BLOC1S5: variants seen among roughly 807,000 people sequenced by gnomAD.
BLOC1S5 encodes the protein biogenesis of lysosome-related organelles complex 1 subunit 5.
In BLOC1S5, 27 loss-of-function variants were observed where a neutral mutation model predicts 24.3. The ratio of observed to expected loss-of-function variants is 1.11; its 90% CI spans 0.82 to 1.53. The LOEUF (loss-of-function observed/expected upper bound fraction) is 1.53. Ranked by LOEUF, BLOC1S5 falls within the 40% of genes most tolerant of loss-of-function variation. The pLI is 0.00. For synonymous variants in BLOC1S5, 84 were observed against 74.5 expected (o/e 1.13, Z -0.66); for missense variants, 239 against 229.4 (o/e 1.04, Z -0.27).
intron 2 of BLOC1S5, among the ~76,000 whole-genome samples, chr6:8,052,931 A>T (rs1764173703): frequency 6.6e-6 from 1 of 151,820 alleles, no homozygotes; most frequent in Non-Finnish European, 1.5e-5. Flanking sequence ...TGAAGATGTG[A>T]CTGAATTGCT....
intron 2 of BLOC1S5, among the ~76,000 whole-genome samples, chr6:8,051,854 G>GA (rs548463313): frequency 2.6e-5 from 4 of 151,068 alleles, no homozygotes; most frequent in Non-Finnish European, 5.9e-5. Context: ...CTACTGCTCA[G>GA]AAAAAAAGAC....
At chr6:8,024,323 C>T (rs1259427762) in intron 4 of BLOC1S5, among the ~76,000 whole-genome samples, 1 of 151,694 alleles carries the variant, frequency 6.6e-6, no homozygotes, top group African/African-American at 2.4e-5. Context: ...GTCAGGAGTT[C>T]GAGACCAGCC....
intron 1 of BLOC1S5, among the ~76,000 whole-genome samples, chr6:8,063,594 AT>A (rs1757336506): frequency 6.6e-6 from 1 of 152,324 alleles, no homozygotes; most frequent in South Asian, 2.1e-4. Flanking sequence ...AGTAGAAAAA[AT>A]AATACAAGCA....
At chr6:8,030,306 T>C (rs1763253627) in intron 3 of BLOC1S5, among the ~76,000 whole-genome samples, 1 of 151,800 alleles carries the variant, frequency 6.6e-6, no homozygotes, top group Non-Finnish European at 1.5e-5. Context: ...ACTACAGGCA[T>C]GCACCACCAC....
Position 8,062,665 on chromosome 6 carries a change from A to G in BLOC1S5, c.113-49T>C, listed in dbSNP as rs1340252715. 4 of 1,272,244 alleles carry G rather than the reference A, an allele frequency of 3.1e-6. No individual in the cohort carries two copies. In the East Asian group the frequency reaches 7.1e-5, roughly 23 times the overall value. The allele number at this position is 1,272,244 out of a possible 1,614,324, so 78.8% of individuals were successfully genotyped here. On this transcript the variant is annotated intron_variant, in intron 1 of 4. Transcript: ENST00000397457. The stretch of plus-strand genomic sequence containing the variant: ...GGGTTAATCCATGCTAAATGGCATA[A>G]TCTCTAGCTTGTTTTACTCTCTCCC...
intron 2 of BLOC1S5, among the ~76,000 whole-genome samples, chr6:8,043,238 A>T (rs986284437): frequency 1.3e-5 from 2 of 152,210 alleles, no homozygotes; most frequent in Non-Finnish European, 1.5e-5. Flanking sequence ...TTGCTTTCAA[A>T]GAATAGAACA....
At chr6:8,016,465 A>G (rs1762738079) in intron 4 of BLOC1S5, among the ~76,000 whole-genome samples, 1 of 152,248 alleles carries the variant, frequency 6.6e-6, no homozygotes, top group Admixed American at 6.5e-5. Context: ...TTAAAAAAAT[A>G]TATGCTAAAA....
At chr6:8,015,900 T>C in intron 4 of BLOC1S5, 72 bp from the exon 5 acceptor site, 1 of 1,356,826 alleles carries the variant, frequency 7.4e-7, no homozygotes, top group East Asian at 2.4e-5. Flanking sequence ...CTCTTGATAC[T>C]TGGTTACCGT....
intron 4 of BLOC1S5, among the ~76,000 whole-genome samples, chr6:8,024,700 G>A (rs1051106066): frequency 2.6e-5 from 4 of 152,020 alleles, no homozygotes; most frequent in African/African-American, 4.8e-5. Context: ...TTACCCACAC[G>A]GTGACCGCTC....
intron 2 of BLOC1S5, among the ~76,000 whole-genome samples, chr6:8,061,316 T>C (rs553176165): frequency 6.6e-6 from 1 of 152,322 alleles, no homozygotes; most frequent in African/African-American, 2.4e-5. Flanking sequence ...ATGATGACGA[T>C]GTGGTATAAT....
At chr6:8,058,829 A>C (rs1764418998) in intron 2 of BLOC1S5, among the ~76,000 whole-genome samples, 1 of 152,224 alleles carries the variant, frequency 6.6e-6, no homozygotes, top group Non-Finnish European at 1.5e-5. Context: ...AACTCTGCAT[A>C]TTGTGATAGA....
Position 8,015,781 on chromosome 6 carries a change from C to T in BLOC1S5, c.432G>A (p.Gln144=). Residue 144 remains glutamine, a synonymous_variant, in exon 5 of 5, where the codon CAG becomes CAA. Transcript: ENST00000397457. ...GTTGCTCCTTCATGAAGTTGTCCCA[C>T]TGGAGCATATGCTGTTTCTCACTAG... is the stretch of plus-strand genomic sequence containing the variant. ...LVASEKQHML[Q]WDNFMKEQPN... is the part of the protein sequence containing the mutation. 3.7e-6 allele frequency: 6 copies of T among 1,614,144 alleles called. No homozygotes were observed. Among genetic ancestry groups the T allele is most frequent in the Non-Finnish European group, 5.1e-6 (6 of 1,180,020 alleles).
chr6:8,020,860 A>T (rs1762892984), intron 4 of BLOC1S5, among the ~76,000 whole-genome samples: 1 of 152,250 alleles, frequency 6.6e-6, no homozygotes, highest in Non-Finnish European at 1.5e-5. Flanking sequence ...CTTGGCTTTT[A>T]CATAGAATTA....
intron 2 of BLOC1S5, 117 bp downstream of exon 2, chr6:8,062,417 T>A (rs967671958): frequency 1.5e-6 from 1 of 655,932 alleles, no homozygotes; most frequent in Non-Finnish European, 2.5e-6. Context: ...TTTTACTTTG[T>A]ATATTTTATG....
intron 3 of BLOC1S5, among the ~76,000 whole-genome samples, chr6:8,031,324 T>A (rs1365419046): frequency 2.6e-5 from 4 of 152,140 alleles, no homozygotes; most frequent in African/African-American, 9.7e-5. Context: ...AGCACTGCTA[T>A]ACACCAATAG....
chr6:8,019,943 A>G (rs1762865986), intron 4 of BLOC1S5, among the ~76,000 whole-genome samples: 1 of 152,184 alleles, frequency 6.6e-6, no homozygotes. Flanking sequence ...GCCTTATAGC[A>G]AAAGAGGAGG....
chr6:8,048,002 T>C (rs1412395544), intron 2 of BLOC1S5, among the ~76,000 whole-genome samples: 1 of 152,266 alleles, frequency 6.6e-6, no homozygotes, highest in Non-Finnish European at 1.5e-5. Context: ...GTTGGCTCCC[T>C]AGTATCCACT....
At chr6:8,047,077 C>T (rs779217333) in intron 2 of BLOC1S5, among the ~76,000 whole-genome samples, 5 of 151,540 alleles carry the variant, frequency 3.3e-5, no homozygotes, top group Non-Finnish European at 7.4e-5. Flanking sequence ...AGCCACCATG[C>T]TTGATCTCAA....
intron 2 of BLOC1S5, among the ~76,000 whole-genome samples, chr6:8,050,307 T>C (rs1486430782): frequency 6.6e-6 from 1 of 152,180 alleles, no homozygotes. Flanking sequence ...CATAAGACCA[T>C]GAACTTAATC....
Sources: allele counts gnomAD v4.1 joint callset (sites outside exome capture counted in the v4.1 genomes callset), GRCh38; gene constraint gnomAD v4.1.1; transcripts MANE v1.5; gene names NCBI Gene and HGNC (gene_info 2026-07-23, HGNC 2026-07-21).